The following GRM7 variants were observed in gnomAD, a reference collection of about 807,000 sequenced individuals.
GRM7 encodes metabotropic glutamate receptor 7.
In GRM7, 35 loss-of-function variants were observed where a neutral mutation model predicts 84.5. The ratio of observed to expected loss-of-function variants is 0.41; its 90% CI spans 0.32 to 0.55. The LOEUF (loss-of-function observed/expected upper bound fraction) is 0.55, where lower values mean the gene tolerates loss of function less well. GRM7 is among the 20% of genes least tolerant of loss of function. The pLI, the probability that GRM7 is intolerant of heterozygous loss-of-function variation, is 0.19. For missense variants in GRM7, 1,003 were observed against 1,194.6 expected (o/e 0.84, Z 2.36); for synonymous variants, 487 against 455.1 (o/e 1.07, Z -0.89).
intron 8 of GRM7, among the ~76,000 whole-genome samples, chr3:7,584,179 C>T (rs1486829835): frequency 2.0e-5 from 3 of 152,192 alleles, no homozygotes; most frequent in Non-Finnish European, 4.4e-5. Context: ...ACAGATTGCA[C>T]TTACACAACT....
intron 7 of GRM7, among the ~76,000 whole-genome samples, chr3:7,479,001 A>G (rs779706456): frequency 3.9e-5 from 6 of 152,116 alleles, no homozygotes; most frequent in Non-Finnish European, 8.8e-5. Flanking sequence ...AGATGGAAAG[A>G]GTGTGGCCTC....
At chr3:7,630,445 T>C (rs1277309335) in intron 8 of GRM7, among the ~76,000 whole-genome samples, 1 of 152,212 alleles carries the variant, frequency 6.6e-6, no homozygotes, top group Admixed American at 6.5e-5. Flanking sequence ...TGTATCTCTG[T>C]TGAGCTCAAC....
chr3:7,682,370 AAG>A (rs950663140), intron 9 of GRM7: 2 of 150,726 alleles, frequency 1.3e-5, no homozygotes, highest in African/African-American at 4.9e-5. Context: ...AAAGAAAAAA[AAG>A]AGAAGAATTT....
intron 7 of GRM7, among the ~76,000 whole-genome samples, chr3:7,464,678 A>C (rs371924955): frequency 8.9e-4 from 135 of 152,138 alleles, no homozygotes; most frequent in African/African-American, 3.1e-3. Context: ...ATACAAAAAA[A>C]TTAGCCGGGC....
intron 2 of GRM7, among the ~76,000 whole-genome samples, chr3:7,170,517 T>C (rs74566703): frequency 0.03 from 4,580 of 152,288 alleles, 207 homozygotes; most frequent in African/African-American, 0.1. Context: ...AGCCTTCTAC[T>C]TCAAGTGGTT....
intron 1 of GRM7, among the ~76,000 whole-genome samples, chr3:7,139,764 A>T (rs922595373): frequency 1.3e-5 from 2 of 151,948 alleles, no homozygotes; most frequent in Non-Finnish European, 2.9e-5. Flanking sequence ...CTTGGCAATG[A>T]TTTTTTTGAA....
At chr3:7,550,650 C>T (rs932690193) in intron 7 of GRM7, among the ~76,000 whole-genome samples, 6 of 147,618 alleles carry the variant, frequency 4.1e-5, no homozygotes, top group East Asian at 4.0e-4. Flanking sequence ...GAGGCCTCCT[C>T]ACCTCACATG....
At chr3:7,163,503 G>A (rs899244573) in intron 2 of GRM7, among the ~76,000 whole-genome samples, 2 of 152,142 alleles carry the variant, frequency 1.3e-5, no homozygotes, top group Non-Finnish European at 2.9e-5. Context: ...TTGCAGCTAG[G>A]GGTTTTGAGT....
intron 4 of GRM7, among the ~76,000 whole-genome samples, chr3:7,356,787 A>G (rs1693424959): frequency 2.0e-5 from 3 of 151,928 alleles, no homozygotes; most frequent in Non-Finnish European, 4.4e-5. Context: ...TAGAGGCTCT[A>G]TTGTCAGCTT....
intron 2 of GRM7, among the ~76,000 whole-genome samples, chr3:7,296,980 C>G (rs1699837187): frequency 6.6e-6 from 1 of 151,882 alleles, no homozygotes; most frequent in African/African-American, 2.4e-5. Context: ...TTGTTTTTCT[C>G]TATTATATTT....
chr3:6,882,354 A>G (rs1695542829), intron 1 of GRM7, among the ~76,000 whole-genome samples: 1 of 152,174 alleles, frequency 6.6e-6, no homozygotes, highest in Non-Finnish European at 1.5e-5. Flanking sequence ...GCATAAACTC[A>G]TTGTGGAAAC....
chr3:7,409,661 C>T (rs1345267911), intron 4 of GRM7, among the ~76,000 whole-genome samples: 4 of 152,200 alleles, frequency 2.6e-5, no homozygotes, highest in Middle Eastern at 3.4e-3. Context: ...AGTACAGTGG[C>T]GGGATCTTGG....
At chr3:7,409,250 C>G (rs1695811597) in intron 4 of GRM7, among the ~76,000 whole-genome samples, 1 of 152,112 alleles carries the variant, frequency 6.6e-6, no homozygotes, top group Admixed American at 6.5e-5. Context: ...TCTGTATGAA[C>G]TTTAAAAGCA....
At chr3:7,563,970 A>G (rs1694148903) in intron 7 of GRM7, among the ~76,000 whole-genome samples, 1 of 152,172 alleles carries the variant, frequency 6.6e-6, no homozygotes, top group African/African-American at 2.4e-5. Context: ...GTCAACATCC[A>G]TATGTTTAAT....
At chr3:7,296,622 C>G (rs1699822899) in intron 2 of GRM7, among the ~76,000 whole-genome samples, 1 of 152,046 alleles carries the variant, frequency 6.6e-6, no homozygotes, top group African/African-American at 2.4e-5. Flanking sequence ...TCAAGAAATT[C>G]TTTCATATCA....
intron 1 of GRM7, among the ~76,000 whole-genome samples, chr3:6,906,107 G>A (rs574755854): frequency 7.9e-5 from 12 of 152,328 alleles, no homozygotes; most frequent in Admixed American, 2.0e-4. Flanking sequence ...AATTCATACA[G>A]TTTCAGTTAG....
chr3:7,016,247 G>C (rs945733908), intron 1 of GRM7, among the ~76,000 whole-genome samples: 1 of 152,116 alleles, frequency 6.6e-6, no homozygotes, highest in Admixed American at 6.6e-5. Context: ...CCAGGAGGTC[G>C]GTCTAGGGCT....
chr3:7,335,881 A>G (rs1214311009), intron 4 of GRM7, among the ~76,000 whole-genome samples: 1 of 152,082 alleles, frequency 6.6e-6, no homozygotes, highest in Non-Finnish European at 1.5e-5. Flanking sequence ...GAACAGACCA[A>G]TAACAAGCAG....
At chr3:7,571,262 T>C (rs1694640692) in intron 7 of GRM7, among the ~76,000 whole-genome samples, 1 of 152,124 alleles carries the variant, frequency 6.6e-6, no homozygotes, top group African/African-American at 2.4e-5. Flanking sequence ...CCTCAGAAAA[T>C]GGGATTTTCT....
Sources: allele counts gnomAD v4.1 joint callset (sites outside exome capture counted in the v4.1 genomes callset), GRCh38; gene constraint gnomAD v4.1.1; transcripts MANE v1.5; gene names NCBI Gene and HGNC (gene_info 2026-07-23, HGNC 2026-07-21).